DNM3: variants seen among roughly 807,000 people sequenced by gnomAD.
DNM3 encodes the protein dynamin-3.
Under a neutral mutation model 101.6 loss-of-function variants are expected in DNM3, and 47 were observed. The observed-to-expected ratio is 0.46, with a 90% CI of 0.37 to 0.59. DNM3 has a LOEUF of 0.59. Among genes scored for constraint, DNM3 ranks in the 20% least tolerant of loss-of-function variants. The pLI is 0.00. For missense variants in DNM3, 849 were observed against 1,085.7 expected (o/e 0.78, Z 3.06); for synonymous variants, 385 against 387.9 (o/e 0.99, Z 0.09).
rs145437036 is a variant in DNM3, at chr1:171,988,692, A to C, written c.386-253A>C. Among the ~76,000 whole-genome samples the C allele has an allele frequency of 5.3e-5, 8 of 152,324 alleles. No individual in the cohort carries two copies. The East Asian group carries it at 1.5e-3, about 29-fold the overall frequency. ...TAGTTACAGATATGACAGCTTTCTG[A>C]GCAAACTGTTAGGCATGCAAATCAG... On this transcript the variant is annotated intron_variant, in intron 3 of 20. Coordinates refer to ENST00000627582, the MANE Select transcript of DNM3 (RefSeq NM_015569.5).
At chr1:172,193,357 G>A (rs1001028264) in intron 14 of DNM3, among the ~76,000 whole-genome samples, 4 of 152,208 alleles carry the variant, frequency 2.6e-5, no homozygotes, top group Non-Finnish European at 4.4e-5. Context: ...TTTGGTATTA[G>A]GATGATGTTG....
At position 172,032,473 on chromosome 1, in the gene DNM3, G is replaced by C. The variant is rs2048675863; in HGVS notation, c.661G>C (p.Glu221Gln). The C allele has an allele frequency of 6.3e-7, 1 of 1,587,570 alleles. No homozygotes were observed. The highest frequency in any genetic ancestry group is 8.6e-7 in the Non-Finnish European group (1 of 1,163,376). The change falls in exon 5 of 21, where the codon GAG (glutamate) becomes CAG (glutamine). Residue 221 changes from glutamate (E) to glutamine (Q), a missense_variant. This residue lies in a region of DNM3 where 388 missense variants were observed against 483.0 expected (regional missense o/e 0.80). Coordinates refer to ENST00000627582, the MANE Select transcript of DNM3 (RefSeq NM_015569.5). ...DEGTDARDVLENKLLPLRRGY... is the reference protein window; with the variant it reads ...DEGTDARDVLQNKLLPLRRGY... ...AGGAACGGATGCCAGGGATGTTCTA[G>C]AGAACAAACTGTTGCCTCTTCGCAG... is the stretch of plus-strand genomic sequence containing the variant.
At chr1:171,856,654 T>A (rs968032982) in intron 1 of DNM3, among the ~76,000 whole-genome samples, 5 of 152,182 alleles carry the variant, frequency 3.3e-5, no homozygotes, top group African/African-American at 1.2e-4. Context: ...GAGATTGTGT[T>A]CCTGATTTGG....
At chr1:171,928,202 G>A (rs897111424) in intron 2 of DNM3, among the ~76,000 whole-genome samples, 2 of 152,120 alleles carry the variant, frequency 1.3e-5, no homozygotes, top group Admixed American at 6.5e-5. Context: ...CAGTTATGTG[G>A]CTCCCCTATT....
At position 172,245,156 on chromosome 1, in the gene DNM3, C is replaced by T. The variant is rs547216535; in HGVS notation, c.1660-8417C>T. Among the ~76,000 whole-genome samples the T allele has an allele frequency of 1.9e-3, 282 of 152,146 alleles. 6 individuals are homozygous for T. The highest frequency in any genetic ancestry group is 1.9e-4 in the Non-Finnish European group (13 of 67,992). Reference sequence around the variant, plus strand: ...AAACTAATAAGGAAATAATTTATTTCCTCAAAGAGTTGATGGTTTGGTAGC... The same window carrying T: ...AAACTAATAAGGAAATAATTTATTTTCTCAAAGAGTTGATGGTTTGGTAGC... On this transcript the variant is annotated intron_variant, in intron 14 of 20. Transcript: ENST00000627582.
intron 15 of DNM3, among the ~76,000 whole-genome samples, chr1:172,304,222 A>AAAAC (rs745651671): frequency 2.3e-5 from 3 of 128,942 alleles, no homozygotes; most frequent in African/African-American, 3.5e-5. Flanking sequence ...AAAAAAAAAA[A>AAAAC]CAGGAGTTGC....
intron 1 of DNM3, among the ~76,000 whole-genome samples, chr1:171,910,190 T>C (rs9425465): frequency 0.46 from 70,180 of 152,082 alleles, 16,384 homozygotes; most frequent in East Asian, 0.66. Context: ...TTCCTTTTCA[T>C]AACACCCTAA....
chr1:172,090,016 G>A (rs1011423564), intron 12 of DNM3, among the ~76,000 whole-genome samples: 1 of 152,174 alleles, frequency 6.6e-6, no homozygotes, highest in South Asian at 2.1e-4. Context: ...TAGCAAAGGA[G>A]TCATTAACGA....
Position 172,113,038 on chromosome 1 carries a change from G to T in DNM3, c.1546-18137G>T, listed in dbSNP as rs115085132. ...TTAGCAGTTTAAAGTAGTCCTCAGG[G>T]TTATAATTAATGCCTTATTTATTTA... is the stretch of plus-strand genomic sequence containing the variant. On this transcript the variant is annotated intron_variant, in intron 13 of 20. Coordinates refer to ENST00000627582, the MANE Select transcript of DNM3 (RefSeq NM_015569.5). Among the ~76,000 whole-genome samples, 794 of 152,200 alleles carry T rather than the reference G, an allele frequency of 5.2e-3. 16 individuals are homozygous for T. The highest frequency in any genetic ancestry group is 0.018 in the African/African-American group (735 of 41,516).
chr1:172,092,646 T>C (rs1049903691), intron 12 of DNM3, among the ~76,000 whole-genome samples, 178 bp from the exon 13 acceptor site: 1 of 152,206 alleles, frequency 6.6e-6, no homozygotes, highest in East Asian at 1.9e-4. Context: ...AGTTATGTGC[T>C]ATTAGGAGTC....
chr1:172,408,644 G>A lies in DNM3; in HGVS notation c.*803G>A. The stretch of plus-strand genomic sequence containing the variant: ...CTTTCTTTACTTATATTCACCTCAT[G>A]GTAGGTTATATTGAAGGCTGACATG... On this transcript the variant is annotated 3_prime_UTR_variant, in exon 21 of 21. Transcript: ENST00000627582. 1.0e-6 allele frequency: 1 copy of A among 984,980 alleles called. No individual in the cohort carries two copies. Among genetic ancestry groups the A allele is most frequent in the South Asian group, 4.7e-5 (1 of 21,274 alleles). 61.0% of individuals were successfully genotyped at this position (984,980 alleles called of 1,614,324 possible). A position where few individuals can be genotyped will look rare whatever the true frequency, so the allele number is the denominator to read the frequency against.
chr1:171,898,799 T>C (rs536218558), intron 1 of DNM3, among the ~76,000 whole-genome samples: 1 of 152,234 alleles, frequency 6.6e-6, no homozygotes, highest in East Asian at 1.9e-4. Flanking sequence ...TCATATTTAC[T>C]ATTCTGTTAC....
chr1:172,379,245 A>G (rs2068765725), intron 18 of DNM3, 63 bp downstream of exon 18: 3 of 1,329,112 alleles, frequency 2.3e-6, no homozygotes, highest in East Asian at 2.5e-5. Flanking sequence ...AGTTGCACAT[A>G]TTATCTTCAG....
chr1:172,207,219 T>C lies in DNM3; in HGVS notation c.1660-46354T>C, dbSNP rs1320975011. ...TACTTCCACAGGTATCAGAAAACAC[T>C]GACGTGATGCCTAGGGTTCCAGTGT... On this transcript the variant is annotated intron_variant, in intron 14 of 20. Coordinates refer to ENST00000627582, the MANE Select transcript of DNM3 (RefSeq NM_015569.5). 3.9e-5 allele frequency among the ~76,000 whole-genome samples: 6 copies of C among 152,216 alleles called. No individual in the cohort carries two copies. The East Asian group carries it at 1.2e-3, about 29-fold the overall frequency.
chr1:172,141,891 T>G (rs1189330558), intron 14 of DNM3, among the ~76,000 whole-genome samples: 1 of 152,090 alleles, frequency 6.6e-6, no homozygotes, highest in Admixed American at 6.6e-5. Flanking sequence ...TTTGAAAATT[T>G]AAGTCCACCG....
chr1:172,324,187 T>C (rs1257259173), intron 17 of DNM3, among the ~76,000 whole-genome samples: 4 of 152,206 alleles, frequency 2.6e-5, no homozygotes, highest in Non-Finnish European at 5.9e-5. Flanking sequence ...ATTTTTTCTA[T>C]GGAGATACAT....
intron 1 of DNM3, among the ~76,000 whole-genome samples, chr1:171,876,026 G>T (rs928420101): frequency 2.6e-5 from 4 of 151,910 alleles, no homozygotes; most frequent in Non-Finnish European, 2.9e-5. Flanking sequence ...GTCCAGGATG[G>T]TCTCGATCTC....
intron 2 of DNM3, among the ~76,000 whole-genome samples, chr1:171,957,384 G>A (rs1051343701): frequency 6.6e-6 from 1 of 151,932 alleles, no homozygotes; most frequent in African/African-American, 2.4e-5. Flanking sequence ...TTTTTCAGTA[G>A]AGACGGAGTT....
chr1:172,013,298 C>T (rs571822598), intron 4 of DNM3, among the ~76,000 whole-genome samples: 15 of 152,018 alleles, frequency 9.9e-5, no homozygotes, highest in African/African-American at 3.1e-4. Flanking sequence ...GGAAAATCAC[C>T]GTGCTGACAA....
Sources: gnomAD v4.1 joint callset for allele counts (sites outside exome capture counted in the v4.1 genomes callset) on GRCh38, gnomAD v4.1.1 for gene constraint, gnomAD v4.1.1 regional missense constraint, MANE v1.5 for transcripts, NCBI Gene and HGNC (gene_info 2026-07-23, HGNC 2026-07-21) for gene names.